Variants in NAA15 observed in about 807,000 individuals in gnomAD.
NAA15 encodes the protein N-alpha-acetyltransferase 15, NatA auxiliary subunit.
Under a neutral mutation model 114.0 loss-of-function variants are expected in NAA15, and 34 were observed. The observed-to-expected ratio is 0.30, with a 90% confidence interval of 0.23 to 0.40. The LOEUF is 0.40. Among genes scored for constraint, NAA15 ranks in the 10% least tolerant of loss-of-function variants. NAA15 has a pLI of 1.00. For synonymous variants in NAA15, 340 were observed against 338.0 expected, an observed-to-expected ratio of 1.01 and a Z score of -0.06; for missense variants, 658 against 1,004.5, an observed-to-expected ratio of 0.66 and a Z score of 4.66.
At chr4:139,312,899 C>G (rs1291209259) in intron 1 of NAA15, among the ~76,000 whole-genome samples, 1 of 151,762 alleles carries the variant, frequency 6.6e-6, no homozygotes, top group Non-Finnish European at 1.5e-5. Context: ...AAATGATGGA[C>G]AGGTTGATGT....
At chr4:139,308,381 T>C (rs1746098561) in intron 1 of NAA15, among the ~76,000 whole-genome samples, 1 of 152,222 alleles carries the variant, frequency 6.6e-6, no homozygotes. Flanking sequence ...TAGGAATTGT[T>C]AGCAAGTAGG....
Position 139,386,232 on chromosome 4 carries a change from TA to T in NAA15, c.2400+5del. 1 of 1,555,364 alleles carries T rather than the reference TA, an allele frequency of 6.4e-7. No individual in the cohort carries two copies. On this transcript the variant is annotated splice_donor_region_variant and intron_variant, in intron 19 of 19. Transcript: ENST00000296543. ...TCTCTCACTAACAGAAACCTCCAGG[TA>T]AAGAGTTTTTCATAATCTCTCTGTA...
chr4:139,368,829 CAG>C (rs1748354362), intron 14 of NAA15, among the ~76,000 whole-genome samples: 1 of 152,108 alleles, frequency 6.6e-6, no homozygotes, highest in Admixed American at 6.5e-5. Context: ...TCTATATTAA[CAG>C]ATGTTATCCA....
At chr4:139,387,842 T>C (rs769390965) in intron 19 of NAA15, 42 bp from the exon 20 acceptor site, 3 of 1,505,706 alleles carry the variant, frequency 2.0e-6, no homozygotes, top group Non-Finnish European at 2.7e-6. Flanking sequence ...AGTAAGAACC[T>C]TTTTTTGACC....
chr4:139,357,006 A>C (rs1747976208), intron 10 of NAA15, among the ~76,000 whole-genome samples: 1 of 151,478 alleles, frequency 6.6e-6, no homozygotes, highest in African/African-American at 2.4e-5. Flanking sequence ...TTTTAACCTC[A>C]CATGAATAGA....
intron 1 of NAA15, among the ~76,000 whole-genome samples, chr4:139,317,869 AT>A (rs1195699130): frequency 2.6e-5 from 4 of 152,166 alleles, no homozygotes; most frequent in African/African-American, 9.7e-5. Flanking sequence ...TCTGTCAATC[AT>A]GTGTGTAATC....
At chr4:139,328,455 G>A (rs1746880136) in intron 1 of NAA15, among the ~76,000 whole-genome samples, 1 of 152,142 alleles carries the variant, frequency 6.6e-6, no homozygotes, top group African/African-American at 2.4e-5. Flanking sequence ...TGATCTGCCT[G>A]CTGTGGCCTT....
intron 11 of NAA15, among the ~76,000 whole-genome samples, chr4:139,358,242 G>A (rs1748025931): frequency 6.6e-6 from 1 of 151,284 alleles, no homozygotes; most frequent in South Asian, 2.1e-4. Context: ...ACCCAGGCTG[G>A]GGTGCAGTGG....
chr4:139,341,145 A>C (rs1309184275), intron 4 of NAA15, 76 bp downstream of exon 4: 26 of 1,054,332 alleles, frequency 2.5e-5, no homozygotes, highest in South Asian at 5.8e-5. Flanking sequence ...CAGATACATA[A>C]ATTTTTTATT....
chr4:139,306,597 GT>G (rs777081197), intron 1 of NAA15, among the ~76,000 whole-genome samples: 11 of 149,564 alleles, frequency 7.4e-5, no homozygotes, highest in African/African-American at 4.9e-5. Flanking sequence ...TTTTGGTCTG[GT>G]TTTTTTTTTG....
chr4:139,309,738 A>G (rs944917318), intron 1 of NAA15, among the ~76,000 whole-genome samples: 2 of 152,136 alleles, frequency 1.3e-5, no homozygotes, highest in Non-Finnish European at 2.9e-5. Flanking sequence ...CTTTTGCGTC[A>G]ATAGAGTGGG....
chr4:139,379,060 T>C (rs1179501228), intron 17 of NAA15: 1 of 387,746 alleles, frequency 2.6e-6, no homozygotes. Flanking sequence ...CATAGAATTA[T>C]TCAGTCCAGA....
intron 16 of NAA15, among the ~76,000 whole-genome samples, chr4:139,377,822 T>C (rs1246816011): frequency 6.6e-6 from 1 of 152,152 alleles, no homozygotes; most frequent in Non-Finnish European, 1.5e-5. Flanking sequence ...TTCTCAAACT[T>C]TAACAGTTAA....
chr4:139,330,989 C>T (rs755085875), intron 1 of NAA15, among the ~76,000 whole-genome samples: 121 of 151,824 alleles, frequency 8.0e-4, no homozygotes, highest in Non-Finnish European at 1.4e-3. Flanking sequence ...AACTTCTTTC[C>T]CAGATTTTAA....
In NAA15 at chr4:139,351,238, T is replaced by C; in HGVS notation, c.859T>C (p.Tyr287His). ...LKIYEEAWTK[Y>H]PRGLVPRRLP... ...AATTTATGAGGAAGCCTGGACTAAA[T>C]ATCCCAGGGGACTGGTGCCAAGAAG... The change falls in exon 8 of 20, where the codon TAT (tyrosine) becomes CAT (histidine). Residue 287 changes from tyrosine to histidine, a missense_variant. Physicochemically the swap from Tyr to His is moderately conservative, Grantham distance 83 (BLOSUM62 2). Coordinates refer to ENST00000296543, the MANE Select transcript of NAA15 (RefSeq NM_057175.5). 1.2e-6 allele frequency: 2 copies of C among 1,609,844 alleles called. No homozygotes were observed. The highest frequency in any genetic ancestry group is 1.7e-6 in the Non-Finnish European group (2 of 1,177,780).
At chr4:139,385,626 G>A (rs540419249) in intron 18 of NAA15, among the ~76,000 whole-genome samples, 1 of 152,080 alleles carries the variant, frequency 6.6e-6, no homozygotes, top group African/African-American at 2.4e-5. Flanking sequence ...CTGTGCCAAT[G>A]AGCCAAAATC....
chr4:139,307,217 A>C (rs527424036), intron 1 of NAA15, among the ~76,000 whole-genome samples: 1 of 152,288 alleles, frequency 6.6e-6, no homozygotes, highest in Non-Finnish European at 1.5e-5. Context: ...GTGATGATGG[A>C]AATATTTGTT....
intron 1 of NAA15, among the ~76,000 whole-genome samples, chr4:139,308,786 T>G (rs1362397939): frequency 6.6e-6 from 1 of 152,004 alleles, no homozygotes; most frequent in Non-Finnish European, 1.5e-5. Flanking sequence ...CAGCTAAGTT[T>G]TATATTTTTA....
At chr4:139,344,978 A>G (rs1437021157) in intron 6 of NAA15, among the ~76,000 whole-genome samples, 1 of 152,226 alleles carries the variant, frequency 6.6e-6, no homozygotes, top group African/African-American at 2.4e-5. Flanking sequence ...AGAAAATAAA[A>G]GAAGAATAAC....
Sources: gnomAD v4.1 joint callset for allele counts (sites outside exome capture counted in the v4.1 genomes callset) on GRCh38, gnomAD v4.1.1 for gene constraint, MANE v1.5 for transcripts, NCBI Gene and HGNC (gene_info 2026-07-23, HGNC 2026-07-21) for gene names.